The following TIMMDC1 variants were observed in gnomAD, a reference collection of about 807,000 sequenced individuals.
TIMMDC1 encodes the protein translocase of inner mitochondrial membrane domain containing 1.
TIMMDC1 carries 25 observed loss-of-function variants against 32.6 expected under a neutral mutation model. The ratio of observed to expected loss-of-function variants is 0.77; its 90% confidence interval spans 0.56 to 1.07. The LOEUF is 1.07. TIMMDC1 is among the 50% of genes least tolerant of loss of function. TIMMDC1 has a pLI of 0.00. For missense variants in TIMMDC1, 329 were observed against 349.2 expected (o/e 0.94, Z 0.46); for synonymous variants, 130 against 127.6 (o/e 1.02, Z -0.13).
At chr3:119,501,495 C>T (rs369602136) in intron 2 of TIMMDC1, among the ~76,000 whole-genome samples, 20 of 152,204 alleles carry the variant, frequency 1.3e-4, no homozygotes, top group South Asian at 4.1e-4. Flanking sequence ...ATGATGAATA[C>T]TTCAGTGTGT....
chr3:119,503,568 C>T lies in TIMMDC1; in HGVS notation c.397C>T (p.Arg133Cys), dbSNP rs772715835. ...TCGTGCTGCCACACGAGGCTTCATTCGTTATGGCTGGCGCTGGGGTTGGAG... is the reference window on the plus strand; with the variant it reads ...TCGTGCTGCCACACGAGGCTTCATTTGTTATGGCTGGCGCTGGGGTTGGAG... ...AHRAATRGFI[R>C]YGWRWGWRTA... Residue 133 changes from arginine (R) to cysteine (C), a missense_variant, in exon 3 of 7, where the codon CGT becomes TGT. Physicochemically the swap from Arg to Cys is radical, Grantham distance 180. Transcript: ENST00000494664. 9.3e-6 allele frequency: 15 copies of T among 1,612,268 alleles called. No individual in the cohort carries two copies. The highest frequency in any genetic ancestry group is 2.2e-5 in the South Asian group (2 of 90,546).
Position 119,523,588 on chromosome 3 carries a change from C to CTT in TIMMDC1, c.708-14_708-13dup, listed in dbSNP as rs779171049. On this transcript the variant is annotated splice_polypyrimidine_tract_variant and intron_variant, in intron 6 of 6. Transcript: ENST00000494664. ...GAAATGGAGCAGTATTTGATTTATC[C>CTT]TTTTTATCTGATTACAGGAAAGGCA... The CTT allele has an allele frequency of 6.4e-7, 1 of 1,574,728 alleles. No homozygotes were observed. Among genetic ancestry groups the CTT allele is most frequent in the Non-Finnish European group, 8.6e-7 (1 of 1,164,432 alleles).
intron 1 of TIMMDC1, among the ~76,000 whole-genome samples, 182 bp downstream of exon 1, chr3:119,499,109 T>TTC (rs2081848468): frequency 6.7e-6 from 1 of 149,552 alleles, no homozygotes; most frequent in Admixed American, 6.6e-5. Context: ...TTTTTTTTTT[T>TTC]TCCAGACAGG....
intron 4 of TIMMDC1, 87 bp downstream of exon 4, chr3:119,504,108 CT>C (rs757240233): frequency 1.0e-6 from 1 of 986,194 alleles, no homozygotes; most frequent in Non-Finnish European, 1.6e-6. Context: ...CTACTGAATT[CT>C]TTGGTTGGCT....
intron 6 of TIMMDC1, among the ~76,000 whole-genome samples, chr3:119,517,584 G>A (rs188257236): frequency 6.6e-6 from 1 of 152,284 alleles, no homozygotes; most frequent in East Asian, 1.9e-4. Context: ...TTGCTTGCAT[G>A]TTTTTTCTTT....
At chr3:119,502,963 A>G (rs1468507347) in intron 2 of TIMMDC1, among the ~76,000 whole-genome samples, 4 of 152,196 alleles carry the variant, frequency 2.6e-5, no homozygotes, top group African/African-American at 7.2e-5. Flanking sequence ...ATTGGTTAGT[A>G]TTATGCTCTA....
At chr3:119,514,380 TC>T (rs2081972710) in intron 5 of TIMMDC1, among the ~76,000 whole-genome samples, 13 of 152,302 alleles carry the variant, frequency 8.5e-5, no homozygotes, top group African/African-American at 2.9e-4. Context: ...TCATGATACT[TC>T]ACCCCCATAT....
chr3:119,503,014 TTATC>T (rs1389401078), intron 2 of TIMMDC1, among the ~76,000 whole-genome samples: 1 of 152,220 alleles, frequency 6.6e-6, no homozygotes, highest in African/African-American at 2.4e-5. Context: ...ACATATTTAT[TTATC>T]TATTTATAAT....
Position 119,503,006 on chromosome 3 carries a change from ATATT to A in TIMMDC1, c.361-518_361-515del, listed in dbSNP as rs552720924. Among the ~76,000 whole-genome samples, 15 of 152,158 alleles carry A rather than the reference ATATT, an allele frequency of 9.9e-5. 1 individual carries two copies. In the South Asian group the frequency reaches 2.5e-3, roughly 25 times the overall value. On this transcript the variant is annotated intron_variant, in intron 2 of 6. Transcript: ENST00000494664. The stretch of plus-strand genomic sequence containing the variant: ...GTTTTCCCTTCCCCCCTCTATTTAC[ATATT>A]TATTTATCTATTTATAATTTATTTC...
chr3:119,520,047 A>G (rs937413536), intron 6 of TIMMDC1, among the ~76,000 whole-genome samples: 1 of 152,206 alleles, frequency 6.6e-6, no homozygotes, highest in African/African-American at 2.4e-5. Context: ...AAATTTAAAA[A>G]TTTCTTGAAA....
chr3:119,521,015 C>T (rs1028002308), intron 6 of TIMMDC1, among the ~76,000 whole-genome samples: 2 of 152,208 alleles, frequency 1.3e-5, no homozygotes, highest in East Asian at 3.9e-4. Flanking sequence ...TGAGAAAAAG[C>T]ATTTGGTAAA....
intron 5 of TIMMDC1, among the ~76,000 whole-genome samples, chr3:119,516,324 CAT>C (rs1182559089): frequency 6.6e-6 from 1 of 152,178 alleles, no homozygotes; most frequent in African/African-American, 2.4e-5. Context: ...TTAGATACTT[CAT>C]ATGAGTGGAA....
rs1236666566 is a variant in TIMMDC1 at position 119,500,846 on chromosome 3, C to T, written c.346C>T (p.Arg116Trp). Reference protein sequence around the residue: ...EQSQAEIYHNRFDAVQSAHRA... With the variant: ...EQSQAEIYHNWFDAVQSAHRA... Reference sequence around the variant, plus strand: ...GAGCCAGGCAGAAATTTATCATAACCGGTTTGATGCTGTGGTATGTACTGG... The same window carrying T: ...GAGCCAGGCAGAAATTTATCATAACTGGTTTGATGCTGTGGTATGTACTGG... The change falls in exon 2 of 7, where the codon CGG (arginine) becomes TGG (tryptophan). Residue 116 changes from arginine to tryptophan, a missense_variant. Transcript: ENST00000494664. 6 of 1,613,602 alleles carry T rather than the reference C, an allele frequency of 3.7e-6. No individual in the cohort carries two copies. Among genetic ancestry groups the T allele is most frequent in the South Asian group, 2.2e-5 (2 of 91,004 alleles).
rs2081989917 is a variant in TIMMDC1 at position 119,517,198 on chromosome 3, T to C, written c.597-7T>C. ...TTTCCTAAGCTTTCCCTCTCCTTTC[T>C]TCTCAGCACTCCTGTAGGAGGCCTG... On this transcript the variant is annotated splice_region_variant and splice_polypyrimidine_tract_variant and intron_variant, in intron 5 of 6. Coordinates refer to ENST00000494664, the MANE Select transcript of TIMMDC1 (RefSeq NM_016589.4). 3.1e-6 allele frequency: 5 copies of C among 1,589,584 alleles called. No individual in the cohort carries two copies. The East Asian group carries it at 1.1e-4, about 36-fold the overall frequency.
chr3:119,511,225 C>T (rs906018072), intron 4 of TIMMDC1, among the ~76,000 whole-genome samples: 3 of 151,976 alleles, frequency 2.0e-5, no homozygotes, highest in African/African-American at 7.2e-5. Context: ...TGCCTGTAAT[C>T]CCAGCACTTT....
chr3:119,516,584 T>G (rs1215790863), intron 5 of TIMMDC1, among the ~76,000 whole-genome samples: 1 of 152,222 alleles, frequency 6.6e-6, no homozygotes, highest in Non-Finnish European at 1.5e-5. Context: ...TTAAGGTGTA[T>G]GAAGGTCAAA....
intron 2 of TIMMDC1, 126 bp from the exon 3 acceptor site, chr3:119,503,406 T>C: frequency 1.6e-6 from 1 of 628,922 alleles, no homozygotes; most frequent in Non-Finnish European, 2.7e-6. Context: ...TTCTAGAGAT[T>C]TTCTAGTATT....
Position 119,503,618 on chromosome 3 carries a change from C to T in TIMMDC1, c.447C>T (p.Phe149=). 1.2e-6 allele frequency: 2 copies of T among 1,601,372 alleles called. No homozygotes were observed. Among genetic ancestry groups the T allele is most frequent in the Admixed American group, 1.7e-5 (1 of 57,632 alleles). Residue 149 remains phenylalanine (F), a splice_region_variant and synonymous_variant, in exon 3 of 7, where the codon TTC becomes TTT. Transcript: ENST00000494664. ...GWRTAVFVTI[F]NTVNTSLNVY... ...GAACTGCAGTGTTTGTGACTATATT[C>T]AAGTAAGTTCACTCTGAATTGTGAG...
rs1201938742 is a variant in TIMMDC1 at position 119,524,797 on chromosome 3, G to A, written c.*1041G>A. On this transcript the variant is annotated 3_prime_UTR_variant, in exon 7 of 7. Coordinates refer to ENST00000494664, the MANE Select transcript of TIMMDC1 (RefSeq NM_016589.4). The stretch of plus-strand genomic sequence containing the variant: ...GTTGGCTATGTCTTTCCAGTTCTCT[G>A]CTGATGTCAGAAAGACCCAGAAATA... The A allele has an allele frequency of 6.6e-6, 1 of 152,200 alleles. No homozygotes were observed. Among genetic ancestry groups the A allele is most frequent in the Non-Finnish European group, 1.5e-5 (1 of 68,030 alleles). The allele number at this position is 152,200 out of a possible 1,614,324, so 9.4% of individuals were successfully genotyped here. A position where few individuals can be genotyped will look rare whatever the true frequency, so the allele number is the denominator to read the frequency against.
Sources: allele counts gnomAD v4.1 joint callset (sites outside exome capture counted in the v4.1 genomes callset), GRCh38; gene constraint gnomAD v4.1.1; transcripts MANE v1.5; gene names NCBI Gene and HGNC (gene_info 2026-07-23, HGNC 2026-07-21).